The following SNTG2 variants were observed in gnomAD, a reference collection of about 807,000 sequenced individuals.
SNTG2 encodes the protein syntrophin gamma 2.
Under a neutral mutation model 70.9 loss-of-function variants are expected in SNTG2, and 74 were observed. The ratio of observed to expected loss-of-function variants is 1.04; its 90% CI spans 0.86 to 1.27. The LOEUF (loss-of-function observed/expected upper bound fraction) is 1.27. Ranked by LOEUF, SNTG2 falls within the 50% of genes most tolerant of loss-of-function variation. SNTG2 has a pLI of 0.00. For missense variants in SNTG2, 717 were observed against 690.7 expected, an observed-to-expected ratio of 1.04 and a Z score of -0.43; for synonymous variants, 278 against 273.8, an observed-to-expected ratio of 1.02 and a Z score of -0.15.
At chr2:1,147,747 A>G (rs1430881881) in intron 6 of SNTG2, among the ~76,000 whole-genome samples, 3 of 152,350 alleles carry the variant, frequency 2.0e-5, no homozygotes, top group East Asian at 3.9e-4. Flanking sequence ...GAAATCTTTG[A>G]TAGTCAACAG....
chr2:1,364,185 T>A (rs958124584), intron 16 of SNTG2, among the ~76,000 whole-genome samples: 8 of 150,940 alleles, frequency 5.3e-5, no homozygotes, highest in Admixed American at 2.0e-4. Context: ...TTTCACCATG[T>A]TGGCCAGGCT....
At chr2:1,328,787 G>A (rs993897686) in intron 16 of SNTG2, among the ~76,000 whole-genome samples, 2 of 151,950 alleles carry the variant, frequency 1.3e-5, no homozygotes, top group African/African-American at 2.4e-5. Flanking sequence ...GCCTCAAAAC[G>A]TGTGTATCCA....
At chr2:1,216,297 G>C (rs1206138878) in intron 9 of SNTG2, among the ~76,000 whole-genome samples, 1 of 152,182 alleles carries the variant, frequency 6.6e-6, no homozygotes, top group Non-Finnish European at 1.5e-5. Flanking sequence ...GCATTTCTCT[G>C]ATGGCCAGTG....
At chr2:1,356,438 G>A (rs1660856632) in intron 16 of SNTG2, among the ~76,000 whole-genome samples, 1 of 152,142 alleles carries the variant, frequency 6.6e-6, no homozygotes, top group African/African-American at 2.4e-5. Flanking sequence ...TTTATTGAGA[G>A]ACTGACCTTT....
At position 1,221,865 on chromosome 2, in the gene SNTG2, GTCTCTCTCTC is replaced by G. The variant is rs1167213385; in HGVS notation, c.719+12641_719+12650del. ...TGTCTCTGTCTCTGTCTCTGTCTCTGTCTCTCTCTCTCTCTGTCTCTGTCTGTGTCTCTCT... is the reference window on the plus strand; with the variant it reads ...TGTCTCTGTCTCTGTCTCTGTCTCTGTCTCTGTCTCTGTCTGTGTCTCTCT... On this transcript the variant is annotated intron_variant, in intron 9 of 16. Coordinates refer to ENST00000308624, the MANE Select transcript of SNTG2 (RefSeq NM_018968.4). Among the ~76,000 whole-genome samples the G allele has an allele frequency of 1.3e-4, 2 of 15,016 alleles. 1 individual carries two copies. The highest frequency in any genetic ancestry group is 2.2e-4 in the Non-Finnish European group (2 of 9,240). 9.9% of individuals were successfully genotyped at this position (15,016 alleles called of 152,430 possible).
At chr2:1,177,815 G>A (rs1572653628) in intron 8 of SNTG2, among the ~76,000 whole-genome samples, 1 of 152,190 alleles carries the variant, frequency 6.6e-6, no homozygotes, top group South Asian at 2.1e-4. Context: ...GTGATAAAAG[G>A]TTATTGGCAC....
chr2:979,354 TTAAG>T (rs1418770992), intron 1 of SNTG2, among the ~76,000 whole-genome samples: 1 of 152,174 alleles, frequency 6.6e-6, no homozygotes, highest in South Asian at 2.1e-4. Flanking sequence ...AGATAATTGA[TTAAG>T]TAAGAAGGTA....
At chr2:1,145,350 A>G (rs1669028857) in intron 6 of SNTG2, among the ~76,000 whole-genome samples, 1 of 152,212 alleles carries the variant, frequency 6.6e-6, no homozygotes. Context: ...CAGGCTACAT[A>G]TGCAAAGAGA....
chr2:1,142,446 A>G (rs1408828954), intron 6 of SNTG2, among the ~76,000 whole-genome samples: 2 of 152,230 alleles, frequency 1.3e-5, no homozygotes, highest in East Asian at 3.9e-4. Flanking sequence ...TCAGCAGGAA[A>G]GTGCCACAGC....
chr2:1,286,462 C>A (rs879493171), intron 14 of SNTG2, among the ~76,000 whole-genome samples: 2 of 152,174 alleles, frequency 1.3e-5, no homozygotes, highest in African/African-American at 2.4e-5. Flanking sequence ...CATGGTAAGA[C>A]CAGTGAATTC....
chr2:1,188,004 C>T (rs1672349233), intron 8 of SNTG2, among the ~76,000 whole-genome samples: 1 of 152,130 alleles, frequency 6.6e-6, no homozygotes, highest in Admixed American at 6.5e-5. Flanking sequence ...TCTAGAAGGG[C>T]GGCTGGAGAG....
chr2:1,073,410 A>G (rs534210071), intron 1 of SNTG2, among the ~76,000 whole-genome samples: 2 of 152,382 alleles, frequency 1.3e-5, no homozygotes, highest in African/African-American at 4.8e-5. Flanking sequence ...AACCCAGCCA[A>G]GGCTCAGATG....
At chr2:1,197,507 G>GTGTA (rs1672988368) in intron 8 of SNTG2, among the ~76,000 whole-genome samples, 7 of 78,070 alleles carry the variant, frequency 9.0e-5, no homozygotes, top group Admixed American at 3.6e-4. Flanking sequence ...ATATGTGTAT[G>GTGTA]TATATATATG....
At chr2:1,007,485 G>T (rs1410752938) in intron 1 of SNTG2, among the ~76,000 whole-genome samples, 1 of 152,134 alleles carries the variant, frequency 6.6e-6, no homozygotes, top group Non-Finnish European at 1.5e-5. Flanking sequence ...AGTAAAAATG[G>T]CATTAATTAT....
At chr2:1,220,045 T>C (rs1674648459) in intron 9 of SNTG2, 1 of 152,202 alleles carries the variant, frequency 6.6e-6, no homozygotes. Context: ...CATGTTTAAA[T>C]AGTCATACCA....
At chr2:1,192,841 T>C (rs1672682772) in intron 8 of SNTG2, among the ~76,000 whole-genome samples, 1 of 152,210 alleles carries the variant, frequency 6.6e-6, no homozygotes, top group African/African-American at 2.4e-5. Flanking sequence ...TGATAAAATG[T>C]GTACGTTCAC....
intron 14 of SNTG2, among the ~76,000 whole-genome samples, chr2:1,270,041 G>A (rs1206210790): frequency 2.6e-5 from 4 of 152,126 alleles, no homozygotes; most frequent in Admixed American, 1.3e-4. Context: ...AAGAAGCCCC[G>A]GGTGGATGCT....
chr2:1,124,584 C>T (rs112799643), intron 4 of SNTG2, among the ~76,000 whole-genome samples: 2,754 of 152,258 alleles, frequency 0.018, 99 homozygotes, highest in African/African-American at 0.062. Flanking sequence ...GCGTGAGCCA[C>T]CGCGCCCGGC....
intron 7 of SNTG2, among the ~76,000 whole-genome samples, chr2:1,172,341 CTG>C (rs1671180600): frequency 6.6e-6 from 1 of 152,206 alleles, no homozygotes; most frequent in Non-Finnish European, 1.5e-5. Flanking sequence ...GTTCACAGAT[CTG>C]TCTTTACGTG....
Sources: gnomAD v4.1 joint callset for allele counts (sites outside exome capture counted in the v4.1 genomes callset) on GRCh38, gnomAD v4.1.1 for gene constraint, MANE v1.5 for transcripts, NCBI Gene and HGNC (gene_info 2026-07-23, HGNC 2026-07-21) for gene names.